CHD2: variants seen among roughly 807,000 people sequenced by gnomAD.
CHD2 encodes the protein ATP-dependent chromatin remodeler CHD2.
CHD2 carries 28 observed loss-of-function variants against 243.9 expected under a neutral mutation model. That is an observed-to-expected ratio of 0.11 (90% CI 0.09 to 0.16). The LOEUF (loss-of-function observed/expected upper bound fraction) is 0.16, where lower values mean the gene tolerates loss of function less well. Ranked by LOEUF, CHD2 falls within the 10% of genes least tolerant of loss-of-function variation. CHD2 has a pLI of 1.00. For missense variants in CHD2, 1,386 were observed against 2,209.8 expected (o/e 0.63, Z 7.47); for synonymous variants, 775 against 779.0 (o/e 0.99, Z 0.09).
At chr15:92,966,378 T>A (rs111444632) in intron 16 of CHD2, among the ~76,000 whole-genome samples, 11,077 of 152,172 alleles carry the variant, frequency 0.073, 434 homozygotes, top group Middle Eastern at 0.19. Flanking sequence ...ATAGTTCAAT[T>A]TTCATTGTGC....
At chr15:92,945,908 G>T in intron 11 of CHD2, 43 bp downstream of exon 11, 1 of 1,509,890 alleles carries the variant, frequency 6.6e-7, no homozygotes, top group Non-Finnish European at 9.1e-7. Context: ...CAACATTTCA[G>T]AACAGTGTAT....
chr15:92,935,890 CT>C (rs1236316565), intron 5 of CHD2, among the ~76,000 whole-genome samples: 1 of 152,104 alleles, frequency 6.6e-6, no homozygotes, highest in East Asian at 1.9e-4. Context: ...AGAAGCACCC[CT>C]ACCCGTCTGA....
chr15:92,932,756 G>A (rs950383518), intron 5 of CHD2, among the ~76,000 whole-genome samples: 2 of 152,032 alleles, frequency 1.3e-5, no homozygotes, highest in Non-Finnish European at 2.9e-5. Flanking sequence ...GTCACGATTT[G>A]TATTAGGTTT....
At chr15:92,918,507 A>T (rs1176174353) in intron 2 of CHD2, among the ~76,000 whole-genome samples, 1 of 152,162 alleles carries the variant, frequency 6.6e-6, no homozygotes, top group South Asian at 2.1e-4. Context: ...CCAATGTTTA[A>T]TTGCCCTGTA....
rs1445202739 is a variant in CHD2, at chr15:92,940,964, AATATAAATATAAATATAAATATAT to A, written c.693-846_693-823del. On this transcript the variant is annotated intron_variant, in intron 7 of 38. Coordinates refer to ENST00000394196, the MANE Select transcript of CHD2 (RefSeq NM_001271.4). The stretch of plus-strand genomic sequence containing the variant: ...ATATATATAAATATAAATATATATA[AATATAAATATAAATATAAATATAT>A]ATATAAATATATATATATAATTTTT... Among the ~76,000 whole-genome samples the A allele has an allele frequency of 4.0e-4, 12 of 29,966 alleles. No individual in the cohort carries two copies. The East Asian group carries it at 0.031, about 78-fold the overall frequency. The allele number at this position is 29,966 out of a possible 152,430, so 19.7% of individuals were successfully genotyped here. A position where few individuals can be genotyped will look rare whatever the true frequency, so the allele number is the denominator to read the frequency against.
intron 13 of CHD2, among the ~76,000 whole-genome samples, chr15:92,951,444 T>G (rs1225170452): frequency 6.6e-6 from 1 of 152,176 alleles, no homozygotes; most frequent in Non-Finnish European, 1.5e-5. Context: ...GTGCTGGGAT[T>G]ACAGCCATGA....
intron 32 of CHD2, among the ~76,000 whole-genome samples, chr15:93,001,840 T>C (rs1187623406): frequency 2.6e-5 from 4 of 152,222 alleles, no homozygotes; most frequent in Non-Finnish European, 5.9e-5. Flanking sequence ...ATTTAAATAC[T>C]AGCAACCTAA....
chr15:92,985,619 C>A lies in CHD2; in HGVS notation c.3359C>A (p.Pro1120Gln). The A allele has an allele frequency of 6.2e-7, 1 of 1,613,784 alleles. No homozygotes were observed. The highest frequency in any genetic ancestry group is 1.1e-5 in the South Asian group (1 of 91,076). ...DDKKPKRRGR[P>Q]RSVRKDLVEG... Reference sequence around the variant, plus strand: ...AAGAAGCCAAAGCGCAGAGGGCGTCCGAGGAGTGTGCGGAAGGACCTCGTG... The same window carrying A: ...AAGAAGCCAAAGCGCAGAGGGCGTCAGAGGAGTGTGCGGAAGGACCTCGTG... Residue 1120 changes from proline (P) to glutamine (Q), a missense_variant, in exon 26 of 39, where the codon CCG (proline) becomes CAG (glutamine). Coordinates refer to ENST00000394196, the MANE Select transcript of CHD2 (RefSeq NM_001271.4).
At position 93,008,919 on chromosome 15, in the gene CHD2, C is replaced by T. The variant is rs187199786; in HGVS notation, c.4414-226C>T. On this transcript the variant is annotated intron_variant, in intron 34 of 38. Transcript: ENST00000394196. ...CAGTATTTAGAGAGGTTAAGTAAGG[C>T]GTGAAGGGTTATCACATAACTCTAA... Among the ~76,000 whole-genome samples the T allele has an allele frequency of 5.9e-5, 9 of 152,236 alleles. No individual in the cohort carries two copies. In the East Asian group the frequency reaches 1.4e-3, roughly 23 times the overall value.
intron 26 of CHD2, among the ~76,000 whole-genome samples, chr15:92,989,608 A>AGCCT (rs1294933993): frequency 6.6e-6 from 1 of 152,172 alleles, no homozygotes; most frequent in Non-Finnish European, 1.5e-5. Flanking sequence ...AAATGCTTTG[A>AGCCT]GCCTGTAAGT....
intron 33 of CHD2, among the ~76,000 whole-genome samples, chr15:93,003,862 A>G (rs2141875515): frequency 6.6e-6 from 1 of 152,082 alleles, no homozygotes; most frequent in East Asian, 1.9e-4. Flanking sequence ...GCAGTGGCTC[A>G]CACTTGTAAT....
At chr15:92,958,755 C>G (rs11857669) in intron 16 of CHD2, among the ~76,000 whole-genome samples, 1 of 152,018 alleles carries the variant, frequency 6.6e-6, no homozygotes, top group African/African-American at 2.4e-5. Context: ...CACAACCATT[C>G]TGTTTTTCAT....
In CHD2 at chr15:92,998,725, A is replaced by T; in HGVS notation, c.4008+104A>T. The T allele has an allele frequency of 7.4e-7, 1 of 1,357,944 alleles. No individual in the cohort carries two copies. The highest frequency in any genetic ancestry group is 1.0e-6 in the Non-Finnish European group (1 of 996,940). The allele number at this position is 1,357,944 out of a possible 1,614,324, so 84.1% of individuals were successfully genotyped here. On this transcript the variant is annotated intron_variant, in intron 31 of 38. Transcript: ENST00000394196. This position sits in a 1 kb window ranked among gnomAD's most constrained non-coding sequence, Gnocchi z 5.1. ...CTCTCTGAGCACTGCACAGAATGTC[A>T]CCTTCTCATGGGCATATTTTGTTTT...
intron 16 of CHD2, among the ~76,000 whole-genome samples, chr15:92,959,853 T>C (rs900152515): frequency 2.2e-4 from 33 of 152,348 alleles, no homozygotes; most frequent in Non-Finnish European, 4.3e-4. Context: ...AAAATTGTTT[T>C]GGTTATTCTA....
intron 24 of CHD2, among the ~76,000 whole-genome samples, chr15:92,983,626 C>A (rs2054006986): frequency 6.6e-6 from 1 of 152,166 alleles, no homozygotes; most frequent in Non-Finnish European, 1.5e-5. Flanking sequence ...GTGTACTCCT[C>A]CTCTGGTTCT....
intron 26 of CHD2, among the ~76,000 whole-genome samples, chr15:92,991,011 A>G (rs773883485): frequency 1.3e-5 from 2 of 152,362 alleles, no homozygotes; most frequent in Non-Finnish European, 1.5e-5. Context: ...AGTCAAAAAA[A>G]TCTTAACAGC....
Position 92,971,920 on chromosome 15 carries a change from T to G in CHD2, c.2345T>G (p.Ile782Ser). ...EENERENGQE[I>S]LLSLIRSSGK... ...AATGAAAGGGAAAATGGACAGGAGA[T>G]TCTTCTGGTAGGTAGTTCCTCATAA... is the stretch of plus-strand genomic sequence containing the variant. The change falls in exon 18 of 39, where the codon ATT (isoleucine) becomes AGT (serine). Residue 782 changes from isoleucine (I) to serine (S), a missense_variant. Transcript: ENST00000394196. The G allele has an allele frequency of 6.2e-7, 1 of 1,609,638 alleles. No individual in the cohort carries two copies. Among genetic ancestry groups the G allele is most frequent in the African/African-American group, 1.3e-5 (1 of 74,732 alleles).
Position 92,973,121 on chromosome 15 carries a change from C to G in CHD2, c.2505+704C>G, listed in dbSNP as rs60641649. On this transcript the variant is annotated intron_variant, in intron 19 of 38. Transcript: ENST00000394196. Reference sequence around the variant, plus strand: ...GAGAGGGCAGTATCAGACATTCCCCCCAAAAGTTGACCCTGGCTGTGAGGC... The same window carrying G: ...GAGAGGGCAGTATCAGACATTCCCCGCAAAAGTTGACCCTGGCTGTGAGGC... Among the ~76,000 whole-genome samples the G allele has an allele frequency of 4.6e-3, 708 of 152,272 alleles. 1 individual carries two copies. Among genetic ancestry groups the G allele is most frequent in the Middle Eastern group, 0.01 (3 of 294 alleles).
At chr15:92,901,533 TA>T in intron 2 of CHD2, 10 of 548,302 alleles carry the variant, frequency 1.8e-5, no homozygotes, top group Non-Finnish European at 6.5e-6. Context: ...AGTCAAAAGG[TA>T]AGGTACCTTT....
Sources: gnomAD v4.1 joint callset for allele counts (sites outside exome capture counted in the v4.1 genomes callset) on GRCh38, gnomAD v4.1.1 for gene constraint, Gnocchi (gnomAD v3.1) non-coding constraint, MANE v1.5 for transcripts, NCBI Gene and HGNC (gene_info 2026-07-23, HGNC 2026-07-21) for gene names.